The following PRKCB variants were observed in gnomAD, a reference collection of about 807,000 sequenced individuals.
The protein encoded by PRKCB is protein kinase C beta type.
In PRKCB, 13 loss-of-function variants were observed where a neutral mutation model predicts 81.5. The ratio of observed to expected loss-of-function variants is 0.16; its 90% CI spans 0.10 to 0.25. The LOEUF is 0.25. Ranked by LOEUF, PRKCB falls within the 10% of genes least tolerant of loss-of-function variation. The pLI is 1.00. For missense variants in PRKCB, 509 were observed against 875.7 expected, an observed-to-expected ratio of 0.58 and a Z score of 5.29; for synonymous variants, 335 against 321.4, an observed-to-expected ratio of 1.04 and a Z score of -0.45.
chr16:24,052,572 T>C lies in PRKCB; in HGVS notation c.529+17025T>C, dbSNP rs775760337. On this transcript the variant is annotated intron_variant, in intron 5 of 16. Coordinates refer to ENST00000643927, the MANE Select transcript of PRKCB (RefSeq NM_002738.7). Reference sequence around the variant, plus strand: ...TTTCATGAGTTTTCTGGGAAAGGGGTGGCAGATTCCCAGAACTGAGGATTC... The same window carrying C: ...TTTCATGAGTTTTCTGGGAAAGGGGCGGCAGATTCCCAGAACTGAGGATTC... Among the ~76,000 whole-genome samples, 129 of 152,102 alleles carry C rather than the reference T, an allele frequency of 8.5e-4. 4 individuals carry two copies. Among genetic ancestry groups the C allele is most frequent in the Non-Finnish European group, 2.2e-4 (15 of 68,028 alleles).
chr16:23,888,513 G>A (rs1461299792), intron 2 of PRKCB, among the ~76,000 whole-genome samples: 4 of 152,182 alleles, frequency 2.6e-5, no homozygotes, highest in African/African-American at 7.2e-5. Flanking sequence ...AATGCTGTTG[G>A]CAAGCAAAAG....
At chr16:24,010,653 C>G (rs544546286) in intron 3 of PRKCB, among the ~76,000 whole-genome samples, 1 of 152,242 alleles carries the variant, frequency 6.6e-6, no homozygotes, top group South Asian at 2.1e-4. Flanking sequence ...GGCTATAGCG[C>G]CCCCTGCTGT....
At chr16:24,077,295 A>G (rs757653301) in intron 5 of PRKCB, among the ~76,000 whole-genome samples, 2 of 152,170 alleles carry the variant, frequency 1.3e-5, no homozygotes, top group Non-Finnish European at 2.9e-5. Flanking sequence ...TATGATAATA[A>G]GAAAATGGAA....
rs554258561 is a variant in PRKCB at position 23,880,629 on chromosome 16, G to GT, written c.205+43224dup. Among the ~76,000 whole-genome samples the GT allele has an allele frequency of 1.2e-3, 182 of 152,132 alleles. 1 individual carries two copies. The highest frequency in any genetic ancestry group is 0.011 in the South Asian group (52 of 4,808). The stretch of plus-strand genomic sequence containing the variant: ...TATAATTTTACTCTTAGAAAATGAA[G>GT]TAGGGTACTAGAATTTTCTCTGGGA... On this transcript the variant is annotated intron_variant, in intron 2 of 16. Coordinates refer to ENST00000643927, the MANE Select transcript of PRKCB (RefSeq NM_002738.7).
At chr16:24,068,939 G>A (rs998334103) in intron 5 of PRKCB, among the ~76,000 whole-genome samples, 5 of 152,190 alleles carry the variant, frequency 3.3e-5, no homozygotes, top group African/African-American at 7.2e-5. Context: ...TGGAGACAGC[G>A]ATATAAAATA....
At chr16:23,947,589 G>A (rs911168246) in intron 2 of PRKCB, among the ~76,000 whole-genome samples, 5 of 152,160 alleles carry the variant, frequency 3.3e-5, no homozygotes, top group African/African-American at 1.2e-4. Context: ...CAGGCCATAA[G>A]CAGTACTTGC....
At chr16:23,882,296 G>A (rs1054546372) in intron 2 of PRKCB, among the ~76,000 whole-genome samples, 1 of 151,626 alleles carries the variant, frequency 6.6e-6, no homozygotes, top group African/African-American at 2.4e-5. Flanking sequence ...GTTGCCCAGG[G>A]TTGTCTCAAA....
chr16:24,077,954 A>G (rs1168473529), intron 5 of PRKCB, among the ~76,000 whole-genome samples: 3 of 152,210 alleles, frequency 2.0e-5, no homozygotes, highest in Non-Finnish European at 4.4e-5. Context: ...TAGAGAAGGG[A>G]AGTAAACCCG....
At chr16:24,176,114 C>A (rs1327841157) in intron 12 of PRKCB, among the ~76,000 whole-genome samples, 1 of 151,818 alleles carries the variant, frequency 6.6e-6, no homozygotes, top group Non-Finnish European at 1.5e-5. Flanking sequence ...AGTCCTGGGG[C>A]TTTTAGTCAC....
intron 2 of PRKCB, among the ~76,000 whole-genome samples, chr16:23,951,175 G>C (rs1043274221): frequency 6.6e-6 from 1 of 152,210 alleles, no homozygotes; most frequent in Non-Finnish European, 1.5e-5. Flanking sequence ...TGAATAATGA[G>C]AGCAATCGAA....
At chr16:23,989,755 C>T (rs1407664338) in intron 3 of PRKCB, among the ~76,000 whole-genome samples, 1 of 152,086 alleles carries the variant, frequency 6.6e-6, no homozygotes, top group Non-Finnish European at 1.5e-5. Flanking sequence ...GATTGGCCTA[C>T]CCAGCAGCCA....
intron 2 of PRKCB, among the ~76,000 whole-genome samples, chr16:23,942,055 T>G (rs1225644293): frequency 6.6e-6 from 1 of 152,230 alleles, no homozygotes; most frequent in Non-Finnish European, 1.5e-5. Context: ...GAGGGCTGAT[T>G]ACAAAACATG....
chr16:24,155,122 G>A (rs1457955218), intron 10 of PRKCB, among the ~76,000 whole-genome samples: 1 of 152,226 alleles, frequency 6.6e-6, no homozygotes, highest in Non-Finnish European at 1.5e-5. Context: ...TTCTCTGACA[G>A]CAAGGAGTGA....
intron 8 of PRKCB, among the ~76,000 whole-genome samples, chr16:24,113,325 TCTTTCTTGCTTG>T (rs1370029114): frequency 6.6e-6 from 1 of 151,558 alleles, no homozygotes; most frequent in South Asian, 2.1e-4. Flanking sequence ...TGTCTTGCTT[TCTTTCTTGCTTG>T]CTTTCTTTAC....
In PRKCB at chr16:23,841,572, C is replaced by T. The variant is rs370348257; in HGVS notation, c.205+4166C>T. On this transcript the variant is annotated intron_variant, in intron 2 of 16. Coordinates refer to ENST00000643927, the MANE Select transcript of PRKCB (RefSeq NM_002738.7). Reference sequence around the variant, plus strand: ...ACATGATCATAGCTCACTGCAGCCTCAAACTCCTGGGCTCAAGTGATTCTC... The same window carrying T: ...ACATGATCATAGCTCACTGCAGCCTTAAACTCCTGGGCTCAAGTGATTCTC... 2.6e-4 allele frequency among the ~76,000 whole-genome samples: 39 copies of T among 151,084 alleles called. No individual in the cohort carries two copies. In the East Asian group the frequency reaches 4.9e-3, roughly 19 times the overall value.
chr16:23,940,891 A>G (rs546735011), intron 2 of PRKCB, among the ~76,000 whole-genome samples: 1 of 152,298 alleles, frequency 6.6e-6, no homozygotes, highest in African/African-American at 2.4e-5. Context: ...TAAAACAGGG[A>G]TAATAACGCA....
chr16:24,037,287 C>A (rs1400209213), intron 5 of PRKCB, among the ~76,000 whole-genome samples: 1 of 152,204 alleles, frequency 6.6e-6, no homozygotes, highest in Non-Finnish European at 1.5e-5. Context: ...CTGCGCCCAA[C>A]CTTCTATTAT....
intron 5 of PRKCB, among the ~76,000 whole-genome samples, chr16:24,037,392 G>A (rs75113505): frequency 0.018 from 2,808 of 152,220 alleles, 73 homozygotes; most frequent in African/African-American, 0.053. Flanking sequence ...GCTAAGATGT[G>A]TTTAGTTTTT....
chr16:23,859,596 G>A (rs962019586), intron 2 of PRKCB, among the ~76,000 whole-genome samples: 2 of 152,164 alleles, frequency 1.3e-5, no homozygotes, highest in African/African-American at 4.8e-5. Context: ...TGGGGAGGCT[G>A]CACAGAGGAG....
Sources: allele counts gnomAD v4.1 joint callset (sites outside exome capture counted in the v4.1 genomes callset), GRCh38; gene constraint gnomAD v4.1.1; transcripts MANE v1.5; gene names NCBI Gene and HGNC (gene_info 2026-07-23, HGNC 2026-07-21).